Variants in FRY observed in about 807,000 individuals in gnomAD.
The protein encoded by FRY is protein furry homolog.
FRY carries 128 observed loss-of-function variants against 348.4 expected under a neutral mutation model. The observed-to-expected ratio is 0.37, with a 90% CI of 0.32 to 0.43. The LOEUF (loss-of-function observed/expected upper bound fraction) is 0.43, where lower values mean the gene tolerates loss of function less well. FRY is among the 20% of genes least tolerant of loss of function. FRY has a pLI of 1.00. For synonymous variants in FRY, 1,370 were observed against 1,374.7 expected, an observed-to-expected ratio of 1.00 and a Z score of 0.08; for missense variants, 2,736 against 3,695.2, an observed-to-expected ratio of 0.74 and a Z score of 6.73.
chr13:32,262,823 A>T (rs2138548596), intron 53 of FRY, among the ~76,000 whole-genome samples: 1 of 152,324 alleles, frequency 6.6e-6, no homozygotes. Context: ...GAATTTTATA[A>T]AACAATATGC....
At chr13:32,101,341 G>A (rs1455440261) in intron 2 of FRY, among the ~76,000 whole-genome samples, 1 of 152,156 alleles carries the variant, frequency 6.6e-6, no homozygotes. Flanking sequence ...GTATATATAT[G>A]TAGCACATTT....
At chr13:32,039,299 C>G (rs1291967037) in intron 1 of FRY, among the ~76,000 whole-genome samples, 1 of 152,164 alleles carries the variant, frequency 6.6e-6, no homozygotes, top group Non-Finnish European at 1.5e-5. Flanking sequence ...TTCAGACAGG[C>G]ATTCCTTACA....
intron 1 of FRY, among the ~76,000 whole-genome samples, chr13:32,053,177 T>G (rs1423703618): frequency 6.6e-6 from 1 of 152,210 alleles, no homozygotes; most frequent in Non-Finnish European, 1.5e-5. Context: ...CAGCCATATG[T>G]GGCTAATAGC....
At chr13:32,189,513 T>C (rs1883209613) in intron 28 of FRY, among the ~76,000 whole-genome samples, 1 of 151,192 alleles carries the variant, frequency 6.6e-6, no homozygotes, top group Non-Finnish European at 1.5e-5. Context: ...ATAATAGAAA[T>C]AAGAGTAGAA....
chr13:32,184,408 T>G (rs912625525), intron 24 of FRY, among the ~76,000 whole-genome samples, 192 bp from the exon 25 acceptor site: 1 of 149,434 alleles, frequency 6.7e-6, no homozygotes, highest in Non-Finnish European at 1.5e-5. Context: ...ACTTATGATG[T>G]TTTTTTTTCT....
At chr13:32,164,729 C>T (rs1881637175) in intron 17 of FRY, among the ~76,000 whole-genome samples, 1 of 152,176 alleles carries the variant, frequency 6.6e-6, no homozygotes, top group Non-Finnish European at 1.5e-5. Flanking sequence ...TCTGCAGAGC[C>T]TGGCCTGCTC....
At chr13:32,149,697 G>A in intron 13 of FRY, 51 bp from the exon 14 acceptor site, 1 of 1,101,004 alleles carries the variant, frequency 9.1e-7, no homozygotes, top group African/African-American at 1.5e-5. Flanking sequence ...GCCATTTTCT[G>A]TTGAGTTTAT....
intron 34 of FRY, among the ~76,000 whole-genome samples, 192 bp from the exon 35 acceptor site, chr13:32,212,100 C>G (rs1884720891): frequency 6.6e-6 from 1 of 152,192 alleles, no homozygotes; most frequent in African/African-American, 2.4e-5. Flanking sequence ...TAACAGATGT[C>G]TACGATTCTC....
chr13:32,147,192 C>G, intron 11 of FRY, 90 bp from the exon 12 acceptor site: 1 of 783,734 alleles, frequency 1.3e-6, no homozygotes. Context: ...CTGGAGCTTG[C>G]CTTTTCCAGG....
At chr13:32,124,931 C>A in intron 7 of FRY, 56 bp downstream of exon 7, 1 of 1,280,554 alleles carries the variant, frequency 7.8e-7, no homozygotes, top group South Asian at 1.2e-5. Flanking sequence ...CACTGTCCTT[C>A]CAGCCCTAAT....
intron 1 of FRY, among the ~76,000 whole-genome samples, chr13:32,074,237 C>T (rs1440839383): frequency 3.3e-5 from 5 of 151,944 alleles, no homozygotes; most frequent in Non-Finnish European, 7.4e-5. Context: ...AGTCATCCAA[C>T]AAAATCAATT....
intron 58 of FRY, among the ~76,000 whole-genome samples, chr13:32,287,175 A>G (rs1206298106): frequency 3.3e-5 from 5 of 152,238 alleles, no homozygotes; most frequent in African/African-American, 1.2e-4. Flanking sequence ...AAAAAAAAAA[A>G]AAAGAAAGAA....
chr13:32,187,279 G>A (rs754951295), intron 27 of FRY, among the ~76,000 whole-genome samples: 1 of 152,098 alleles, frequency 6.6e-6, no homozygotes, highest in Non-Finnish European at 1.5e-5. Flanking sequence ...TACTTACTCT[G>A]ATCATAAAGA....
At chr13:32,227,083 G>T (rs2138418668) in intron 39 of FRY, among the ~76,000 whole-genome samples, 1 of 152,176 alleles carries the variant, frequency 6.6e-6, no homozygotes, top group East Asian at 1.9e-4. Flanking sequence ...AATCAGTTTT[G>T]CATTTATTAT....
At chr13:32,208,776 C>T (rs951686920) in intron 31 of FRY, 77 bp from the exon 32 acceptor site, 4 of 1,538,822 alleles carry the variant, frequency 2.6e-6, no homozygotes, top group Non-Finnish European at 3.6e-6. Context: ...GTTCAGTCTG[C>T]AAGTTGGCAT....
chr13:32,285,087 C>T (rs1359456005), intron 58 of FRY, among the ~76,000 whole-genome samples: 1 of 152,076 alleles, frequency 6.6e-6, no homozygotes, highest in African/African-American at 2.4e-5. Context: ...ATCAGGAGAG[C>T]AGGAAGGGGG....
At chr13:32,238,514 G>A (rs1237505466) in intron 44 of FRY, among the ~76,000 whole-genome samples, 2 of 152,006 alleles carry the variant, frequency 1.3e-5, no homozygotes, top group Admixed American at 6.6e-5. Context: ...GTTCAGTGGC[G>A]TGATCTCGGC....
In FRY at chr13:32,198,777, C is replaced by T. The variant is rs146240395; in HGVS notation, c.3747-3164C>T. 2.3e-3 allele frequency among the ~76,000 whole-genome samples: 349 copies of T among 152,276 alleles called. 2 individuals are homozygous for T. The highest frequency in any genetic ancestry group is 0.01 in the Middle Eastern group (3 of 294). ...GGTAGTTCCCCAGTTTTTCATCAGA[C>T]CCACCAAACTTAGACTGTGTTTATT... is the stretch of plus-strand genomic sequence containing the variant. On this transcript the variant is annotated intron_variant, in intron 29 of 60. Coordinates refer to ENST00000542859, the MANE Select transcript of FRY (RefSeq NM_023037.3).
intron 26 of FRY, among the ~76,000 whole-genome samples, chr13:32,185,820 G>A (rs1410184206): frequency 6.6e-6 from 1 of 151,932 alleles, no homozygotes; most frequent in Non-Finnish European, 1.5e-5. Context: ...CATCTTCAGC[G>A]ACCCTAAATT....
Sources: gnomAD v4.1 joint callset for allele counts (sites outside exome capture counted in the v4.1 genomes callset) on GRCh38, gnomAD v4.1.1 for gene constraint, MANE v1.5 for transcripts, NCBI Gene and HGNC (gene_info 2026-07-23, HGNC 2026-07-21) for gene names.